ATM: variants seen among roughly 807,000 people sequenced by gnomAD.
The protein encoded by ATM is ATM serine/threonine kinase, also known as serine-protein kinase ATM.
In ATM, 308 loss-of-function variants were observed where a neutral mutation model predicts 387.0. The observed-to-expected ratio is 0.80, with a 90% CI of 0.73 to 0.87. The LOEUF (loss-of-function observed/expected upper bound fraction) is 0.87, where lower values mean the gene tolerates loss of function less well. ATM is among the 40% of genes least tolerant of loss of function. The pLI, the probability that ATM is intolerant of heterozygous loss-of-function variation, is 0.00. For synonymous variants in ATM, 1,156 were observed against 1,187.3 expected (o/e 0.97, Z 0.54); for missense variants, 3,312 against 3,560.9 (o/e 0.93, Z 1.78).
chr11:108,230,404 A>C (rs2078951345), intron 4 of ATM: 1 of 152,220 alleles, frequency 6.6e-6, no homozygotes, highest in Admixed American at 6.5e-5. Context: ...CGACAGAGCG[A>C]GACTGTCAAA....
chr11:108,348,163 A>G (rs1784308), intron 59 of ATM, among the ~76,000 whole-genome samples: 15 of 151,662 alleles, frequency 9.9e-5, no homozygotes, highest in African/African-American at 2.4e-4. Context: ...GTATTAATGG[A>G]ATTTCTAGGT....
At chr11:108,261,931 G>GA (rs2080916331) in intron 16 of ATM, among the ~76,000 whole-genome samples, 1 of 151,982 alleles carries the variant, frequency 6.6e-6, no homozygotes, top group South Asian at 2.1e-4. Flanking sequence ...GAAGTTTAGA[G>GA]AAAAAAGAAT....
intron 16 of ATM, among the ~76,000 whole-genome samples, chr11:108,266,725 T>G (rs1241393267): frequency 6.6e-6 from 1 of 152,194 alleles, no homozygotes; most frequent in African/African-American, 2.4e-5. Flanking sequence ...TGTTGGACAT[T>G]TAGTAGAAAA....
chr11:108,283,986 G>T (rs4987992), intron 25 of ATM, among the ~76,000 whole-genome samples: 8 of 151,790 alleles, frequency 5.3e-5, no homozygotes, highest in Non-Finnish European at 1.2e-4. Flanking sequence ...ACTGAACAAG[G>T]TCCCATTTTT....
intron 5 of ATM, among the ~76,000 whole-genome samples, chr11:108,240,433 G>A (rs1009566538): frequency 2.0e-5 from 3 of 152,088 alleles, no homozygotes; most frequent in African/African-American, 7.2e-5. Flanking sequence ...GATATGTTCT[G>A]AGAAATACAT....
At chr11:108,361,489 A>G (rs567567684) in intron 61 of ATM, among the ~76,000 whole-genome samples, 1,736 of 152,134 alleles carry the variant, frequency 0.011, 25 homozygotes, top group African/African-American at 0.038. Flanking sequence ...CGCATCGGCA[A>G]GTCAATCCTA....
At chr11:108,227,520 T>C in intron 1 of ATM, 75 bp from the exon 2 acceptor site, 2 of 949,340 alleles carry the variant, frequency 2.1e-6, no homozygotes, top group Non-Finnish European at 3.3e-6. Context: ...ATATACACAT[T>C]TTTTCACACC....
In ATM at chr11:108,235,717, A is replaced by T. The variant is rs587781741; in HGVS notation, c.379A>T (p.Thr127Ser). The T allele has an allele frequency of 5.6e-6, 9 of 1,612,330 alleles. No homozygotes were observed. The Admixed American group carries it at 1.5e-4, about 27-fold the overall frequency. Residue 127 changes from threonine (T) to serine (S), a missense_variant, in exon 5 of 63, where the codon ACA (threonine) becomes TCA (serine). This residue lies in a region of ATM where 1,791 missense variants were observed against 1,804.5 expected (regional missense o/e 0.99). Coordinates refer to ENST00000675843, the MANE Select transcript of ATM (RefSeq NM_000051.4). ...AGAACTCTTAAATTATATCATGGAT[A>T]CAGTGAAAGATTCATCTAATGGTGC... ...CQELLNYIMD[T>S]VKDSSNGAIY...
chr11:108,356,364 C>T (rs1050935549), intron 61 of ATM, among the ~76,000 whole-genome samples: 1 of 151,798 alleles, frequency 6.6e-6, no homozygotes, highest in African/African-American at 2.4e-5. Context: ...GGTGAAACCC[C>T]GTCTCTAATA....
At position 108,335,315 on chromosome 11, in the gene ATM, T is replaced by C. The variant is rs1232328021; in HGVS notation, c.8151+206T>C. 2.0e-6 allele frequency: 3 copies of C among 1,466,242 alleles called. No individual in the cohort carries two copies. The Admixed American group carries it at 6.5e-5, about 32-fold the overall frequency. The allele number at this position is 1,466,242 out of a possible 1,614,324, so 90.8% of individuals were successfully genotyped here. The stretch of plus-strand genomic sequence containing the variant: ...TCTCTGAAAGACAATCATTATTATA[T>C]GGTTGATTCAAGTAAAAGAATACCA... On this transcript the variant is annotated intron_variant, in intron 55 of 62. Transcript: ENST00000675843.
At chr11:108,223,820 G>C (rs1260210887) in intron 1 of ATM, 1 of 152,238 alleles carries the variant, frequency 6.6e-6, no homozygotes, top group South Asian at 2.1e-4. Context: ...AGACCTCGCA[G>C]TGTTACCTTG....
chr11:108,343,455 C>A, intron 57 of ATM, 84 bp downstream of exon 57: 1 of 1,520,532 alleles, frequency 6.6e-7, no homozygotes, highest in Non-Finnish European at 9.0e-7. Context: ...TTATAGAATA[C>A]AAAAAAACTT....
At chr11:108,319,878 T>G in intron 43 of ATM, 76 bp from the exon 44 acceptor site, 2 of 1,038,552 alleles carry the variant, frequency 1.9e-6, no homozygotes, top group Non-Finnish European at 2.9e-6. Flanking sequence ...ATTTTGTCCT[T>G]TGGTGAAGCT....
At chr11:108,308,475 G>T in intron 38 of ATM, 1 of 187,524 alleles carries the variant, frequency 5.3e-6, no homozygotes, top group East Asian at 1.5e-4. Flanking sequence ...TCTTGTTTCT[G>T]GTAAATTGTT....
intron 13 of ATM, among the ~76,000 whole-genome samples, chr11:108,254,683 C>T (rs901668672): frequency 4.6e-5 from 7 of 152,162 alleles, no homozygotes; most frequent in African/African-American, 9.7e-5. Context: ...GACAGAGCCT[C>T]GCTCTGTTGC....
chr11:108,332,666 G>T (rs2136551933), intron 52 of ATM, 96 bp from the exon 53 acceptor site: 1 of 1,291,650 alleles, frequency 7.7e-7, no homozygotes, highest in Admixed American at 2.0e-5. Context: ...GTCTAGATTT[G>T]TGCATAAATT....
intron 3 of ATM, 84 bp downstream of exon 3, chr11:108,227,972 C>A: frequency 8.4e-7 from 1 of 1,193,882 alleles, no homozygotes; most frequent in Non-Finnish European, 1.2e-6. Context: ...GTGTGTAAGT[C>A]TTAACATTTA....
At chr11:108,348,257 AATAT>A (rs1343166171) in intron 59 of ATM, among the ~76,000 whole-genome samples, 5 of 151,528 alleles carry the variant, frequency 3.3e-5, no homozygotes, top group African/African-American at 1.2e-4. Flanking sequence ...AAAGAAAGAG[AATAT>A]ATATAGCTAA....
chr11:108,325,547 A>G lies in ATM; in HGVS notation c.6807+3A>G. ...CCAGAACTTTCAAGAACACTCAGGTAAATACAATTTAAAACTATGTCATCT... is the reference window on the plus strand; with the variant it reads ...CCAGAACTTTCAAGAACACTCAGGTGAATACAATTTAAAACTATGTCATCT... On this transcript the variant is annotated splice_donor_region_variant and intron_variant, in intron 46 of 62. Coordinates refer to ENST00000675843, the MANE Select transcript of ATM (RefSeq NM_000051.4). The G allele has an allele frequency of 6.3e-7, 1 of 1,589,574 alleles. No homozygotes were observed. The highest frequency in any genetic ancestry group is 8.6e-7 in the Non-Finnish European group (1 of 1,161,118).
Sources: allele counts gnomAD v4.1 joint callset (sites outside exome capture counted in the v4.1 genomes callset), GRCh38; gene constraint gnomAD v4.1.1; regional missense constraint gnomAD v4.1.1; transcripts MANE v1.5; gene names NCBI Gene and HGNC (gene_info 2026-07-23, HGNC 2026-07-21).